Variants in KIDINS220 observed in about 807,000 individuals in gnomAD.
KIDINS220 encodes the protein kinase D interacting substrate 220, also known as kinase D-interacting substrate of 220 kDa.
Under a neutral mutation model 157.6 loss-of-function variants are expected in KIDINS220, and 63 were observed. That is an observed-to-expected ratio of 0.40 (90% CI 0.33 to 0.49). KIDINS220 has a LOEUF of 0.49. Among genes scored for constraint, KIDINS220 ranks in the 20% least tolerant of loss-of-function variants. KIDINS220 has a pLI of 0.66. For missense variants in KIDINS220, 1,772 were observed against 2,171.2 expected, an observed-to-expected ratio of 0.82 and a Z score of 3.65; for synonymous variants, 732 against 783.6, an observed-to-expected ratio of 0.93 and a Z score of 1.10.
At chr2:8,746,879 G>T in intron 26 of KIDINS220, 1 of 412,766 alleles carries the variant, frequency 2.4e-6, no homozygotes, top group Non-Finnish European at 4.3e-6. Flanking sequence ...GATAGAAAAA[G>T]CCCTTCCTTA....
At chr2:8,754,792 C>T (rs1190976374) in intron 22 of KIDINS220, among the ~76,000 whole-genome samples, 1 of 152,086 alleles carries the variant, frequency 6.6e-6, no homozygotes, top group Non-Finnish European at 1.5e-5. Flanking sequence ...TAAACAGATT[C>T]TTAGAGCAGA....
chr2:8,790,965 C>T (rs1673103142), intron 13 of KIDINS220, 95 bp downstream of exon 13: 1 of 1,146,018 alleles, frequency 8.7e-7, no homozygotes, highest in Non-Finnish European at 1.2e-6. Context: ...AACACACATG[C>T]TTATACAGAA....
chr2:8,785,304 G>T (rs1365486155), intron 17 of KIDINS220, among the ~76,000 whole-genome samples: 2 of 152,024 alleles, frequency 1.3e-5, no homozygotes, highest in Non-Finnish European at 2.9e-5. Flanking sequence ...AGATTTTGAG[G>T]GCAATAAATC....
At chr2:8,737,566 T>C (rs1249919914) in intron 26 of KIDINS220, among the ~76,000 whole-genome samples, 1 of 152,220 alleles carries the variant, frequency 6.6e-6, no homozygotes, top group Non-Finnish European at 1.5e-5. Context: ...AATCATGATG[T>C]AAATACAAAA....
intron 17 of KIDINS220, among the ~76,000 whole-genome samples, chr2:8,780,942 A>T (rs1671635469): frequency 6.6e-6 from 1 of 151,704 alleles, no homozygotes. Flanking sequence ...CATCAAAACC[A>T]ATTATCCCTT....
intron 26 of KIDINS220, 150 bp from the exon 27 acceptor site, chr2:8,737,149 G>T: frequency 1.3e-6 from 1 of 753,080 alleles, no homozygotes; most frequent in Non-Finnish European, 2.1e-6. Context: ...AATACCATTA[G>T]GGAACAGATT....
Position 8,731,552 on chromosome 2 carries a change from T to C in KIDINS220, c.4484A>G (p.Lys1495Arg). The change falls in exon 30 of 30, where the codon AAA becomes AGA. Residue 1495 changes from lysine (K) to arginine (R), a missense_variant. Lys to Arg is a conservative substitution (Grantham distance 26). Around this residue, in one of 3 missense-constraint regions of KIDINS220, gnomAD observed 793 missense variants for 885.5 expected, o/e 0.90. Transcript: ENST00000256707. This position sits in a 1 kb window ranked among gnomAD's most constrained non-coding sequence, Gnocchi z 5.2. ...QSGSKLLPGK[K>R]SSERSSLFQT... The stretch of plus-strand genomic sequence containing the variant: ...GAAGAGGCTTGACCTTTCGGAAGAT[T>C]TCTTGCCTGGGAGAAGCTTACTGCC... 1 of 1,614,156 alleles carries C rather than the reference T, an allele frequency of 6.2e-7. No individual in the cohort carries two copies. The highest frequency in any genetic ancestry group is 8.5e-7 in the Non-Finnish European group (1 of 1,180,012).
At chr2:8,728,052 A>G (rs1187262241), downstream of KIDINS220, among the ~76,000 whole-genome samples, 1 of 152,220 alleles carries the variant, frequency 6.6e-6, no homozygotes, top group Non-Finnish European at 1.5e-5. Flanking sequence ...TATATAAAAC[A>G]CAAGACTCGG....
chr2:8,770,857 A>T lies in KIDINS220; in HGVS notation c.2849-25T>A, dbSNP rs12476359. On this transcript the variant is annotated intron_variant, in intron 21 of 29. Coordinates refer to ENST00000256707, the MANE Select transcript of KIDINS220 (RefSeq NM_020738.4). ...CCTTTTAAAAAATACAAAAGCATTT[A>T]AAAATTAATAGATGTGTGATAGTAT... is the stretch of plus-strand genomic sequence containing the variant. 0.98 allele frequency: 1,464,237 copies of T among 1,494,166 alleles called. 717,521 individuals carry two copies. The highest frequency in any genetic ancestry group is 0.99 in the Admixed American group (51,863 of 52,360). The allele number at this position is 1,494,166 out of a possible 1,614,324, so 92.6% of individuals were successfully genotyped here.
At chr2:8,790,130 A>G (rs1672996011) in intron 13 of KIDINS220, 71 bp from the exon 14 acceptor site, 2 of 1,380,434 alleles carry the variant, frequency 1.4e-6, no homozygotes. Flanking sequence ...CTCAATATGC[A>G]GTTTTCACAT....
intron 1 of KIDINS220, among the ~76,000 whole-genome samples, chr2:8,834,894 T>G (rs1482020558): frequency 6.6e-6 from 1 of 152,190 alleles, no homozygotes; most frequent in Non-Finnish European, 1.5e-5. Flanking sequence ...CAGGATGGAG[T>G]GCAGTGGCAC....
In KIDINS220 at chr2:8,731,027, C is replaced by A. The variant is rs766012630; in HGVS notation, c.5009G>T (p.Cys1670Phe). The change falls in exon 30 of 30, where the codon TGC becomes TTC. Residue 1670 changes from cysteine (C) to phenylalanine (F), a missense_variant. Cys to Phe is a radical substitution (Grantham distance 205). Coordinates refer to ENST00000256707, the MANE Select transcript of KIDINS220 (RefSeq NM_020738.4). This position sits in a 1 kb window ranked among gnomAD's most constrained non-coding sequence, Gnocchi z 5.2. ...ASSPEENWPA[C>F]QKAYNLNRTP... ...TCGGTTCAGGTTGTAGGCTTTCTGG[C>A]ATGCAGGCCAGTTTTCTTCAGGGCT... The A allele has an allele frequency of 2.5e-6, 4 of 1,614,100 alleles. No homozygotes were observed. The South Asian group carries it at 4.4e-5, about 18-fold the overall frequency.
intron 22 of KIDINS220, among the ~76,000 whole-genome samples, chr2:8,760,545 T>C (rs1206535143): frequency 6.6e-6 from 1 of 152,206 alleles, no homozygotes; most frequent in African/African-American, 2.4e-5. Flanking sequence ...AATGAAAACA[T>C]CCTGTCATCA....
At chr2:8,754,596 A>G (rs1257531783) in intron 22 of KIDINS220, among the ~76,000 whole-genome samples, 1 of 152,216 alleles carries the variant, frequency 6.6e-6, no homozygotes, top group Non-Finnish European at 1.5e-5. Context: ...CTTCTATGCT[A>G]CCAATCTAGC....
At chr2:8,757,483 C>A (rs1325992729) in intron 22 of KIDINS220, 4 of 1,389,524 alleles carry the variant, frequency 2.9e-6, no homozygotes, top group Non-Finnish European at 2.8e-6. Context: ...AGGCCGTCTT[C>A]ATTTCAGAGG....
At chr2:8,753,077 C>T (rs374566102) in intron 22 of KIDINS220, among the ~76,000 whole-genome samples, 6 of 151,822 alleles carry the variant, frequency 4.0e-5, no homozygotes, top group Admixed American at 6.6e-5. Flanking sequence ...TAAGCAAGAA[C>T]GCATCACCGA....
Position 8,747,962 on chromosome 2 carries a change from G to A in KIDINS220, c.3453C>T (p.Tyr1151=), listed in dbSNP as rs752872470. ...FAPYLYTPRY[Y]PGGSQHLISR... ...AGATGAGATGTTGGGAGCCGCCAGGGTAATACCTTGGCGTGTAAAGGTATG... is the reference window on the plus strand; with the variant it reads ...AGATGAGATGTTGGGAGCCGCCAGGATAATACCTTGGCGTGTAAAGGTATG... The change falls in exon 25 of 30, where the codon TAC becomes TAT. Residue 1151 remains tyrosine (Y), a synonymous_variant. Coordinates refer to ENST00000256707, the MANE Select transcript of KIDINS220 (RefSeq NM_020738.4). The A allele has an allele frequency of 5.6e-6, 9 of 1,601,802 alleles. No individual in the cohort carries two copies. The highest frequency in any genetic ancestry group is 4.0e-5 in the African/African-American group (3 of 74,104).
chr2:8,787,121 C>A (rs1672519810), intron 15 of KIDINS220, among the ~76,000 whole-genome samples: 1 of 151,880 alleles, frequency 6.6e-6, no homozygotes, highest in African/African-American at 2.4e-5. Flanking sequence ...AAAAATACCA[C>A]CTCATTAATT....
intron 24 of KIDINS220, 104 bp downstream of exon 24, chr2:8,750,008 A>G: frequency 1.1e-6 from 1 of 906,444 alleles, no homozygotes; most frequent in Non-Finnish European, 1.7e-6. Flanking sequence ...TTCCTATGCT[A>G]AAGCCAAAGT....
Sources: allele counts gnomAD v4.1 joint callset (sites outside exome capture counted in the v4.1 genomes callset), GRCh38; gene constraint gnomAD v4.1.1; regional missense constraint gnomAD v4.1.1; non-coding constraint Gnocchi (gnomAD v3.1); transcripts MANE v1.5; gene names NCBI Gene and HGNC (gene_info 2026-07-23, HGNC 2026-07-21).